XRN1: variants seen among roughly 807,000 people sequenced by gnomAD.
XRN1 encodes the protein 5'-3' exoribonuclease 1, also known as strand-exchange protein 1 homolog.
In XRN1, 67 loss-of-function variants were observed where a neutral mutation model predicts 222.3. The observed-to-expected ratio is 0.30, with a 90% CI of 0.25 to 0.37. XRN1 has a LOEUF of 0.37. XRN1 is among the 10% of genes least tolerant of loss of function. The probability of loss-of-function intolerance (pLI) is 1.00; values close to 1 mark genes in which losing one functional copy is unlikely to be tolerated. For synonymous variants in XRN1, 643 were observed against 652.4 expected (o/e 0.99, Z 0.22); for missense variants, 1,707 against 2,000.2 (o/e 0.85, Z 2.80).
intron 39 of XRN1, among the ~76,000 whole-genome samples, chr3:142,318,259 G>C (rs1021801684): frequency 7.6e-6 from 1 of 131,092 alleles, no homozygotes; most frequent in African/African-American, 2.7e-5. Context: ...CAAGATTTTG[G>C]ACATAGTCTA....
intron 9 of XRN1, 56 bp downstream of exon 9, chr3:142,421,420 G>A: frequency 7.2e-7 from 1 of 1,395,362 alleles, no homozygotes. Flanking sequence ...CATAATTGGT[G>A]ACTGATCATT....
intron 33 of XRN1, among the ~76,000 whole-genome samples, chr3:142,339,112 A>G (rs2065918891): frequency 6.6e-6 from 1 of 152,180 alleles, no homozygotes; most frequent in Admixed American, 6.5e-5. Flanking sequence ...ACAGCCAGGT[A>G]TGGCGGGCTG....
rs1311198830 is a variant in XRN1, at chr3:142,307,314, TA to T, written c.*4196del. 6.6e-6 allele frequency: 1 copy of T among 152,060 alleles called. No individual in the cohort carries two copies. The highest frequency in any genetic ancestry group is 2.4e-5 in the African/African-American group (1 of 41,398). 9.4% of individuals were successfully genotyped at this position (152,060 alleles called of 1,614,324 possible). ...AGAAACCTATTTGGCCTGGACAATT[TA>T]ATAGTATACCAACTGCTGAAACAAC... On this transcript the variant is annotated 3_prime_UTR_variant, in exon 41 of 41. Coordinates refer to ENST00000392981, the MANE Select transcript of XRN1 (RefSeq NM_001282857.2).
chr3:142,341,595 T>C (rs2065995895), intron 33 of XRN1, among the ~76,000 whole-genome samples: 1 of 152,082 alleles, frequency 6.6e-6, no homozygotes, highest in South Asian at 2.1e-4. Context: ...ACACTGAATG[T>C]CAATGAACTA....
At position 142,400,434 on chromosome 3, in the gene XRN1, TCTTA is replaced by T; in HGVS notation, c.2207+6_2207+9del. On this transcript the variant is annotated splice_donor_region_variant and intron_variant, in intron 19 of 40. Coordinates refer to ENST00000392981, the MANE Select transcript of XRN1 (RefSeq NM_001282857.2). ...TATGTTAGAAAAATTATAAATCAAA[TCTTA>T]CTTACTTAGTTTCTCCATCTGATAC... The T allele has an allele frequency of 1.6e-5, 26 of 1,581,062 alleles. No individual in the cohort carries two copies. The highest frequency in any genetic ancestry group is 3.4e-4 in the Middle Eastern group (2 of 5,964).
At chr3:142,358,786 T>A (rs942499586) in intron 30 of XRN1, among the ~76,000 whole-genome samples, 13 of 152,094 alleles carry the variant, frequency 8.5e-5, no homozygotes, top group African/African-American at 3.1e-4. Flanking sequence ...AAAACAATAA[T>A]AATAGCATCC....
intron 26 of XRN1, 134 bp downstream of exon 26, chr3:142,371,105 G>A (rs1051151425): frequency 2.4e-5 from 18 of 741,762 alleles, no homozygotes; most frequent in South Asian, 1.2e-4. Flanking sequence ...CACTGCATTC[G>A]GGCAAGAGAG....
At chr3:142,407,196 C>T (rs983907684) in intron 15 of XRN1, among the ~76,000 whole-genome samples, 4 of 152,212 alleles carry the variant, frequency 2.6e-5, no homozygotes, top group Admixed American at 6.5e-5. Flanking sequence ...AGTGATGTTT[C>T]ATCAGCATTA....
At chr3:142,385,469 CTTTTCCAA>C (rs1257216464) in intron 20 of XRN1, among the ~76,000 whole-genome samples, 1 of 152,066 alleles carries the variant, frequency 6.6e-6, no homozygotes, top group African/African-American at 2.4e-5. Flanking sequence ...TATGTGATGG[CTTTTCCAA>C]TCTAAAGTAA....
At chr3:142,414,057 G>C in intron 14 of XRN1, 78 bp downstream of exon 14, 1 of 1,351,856 alleles carries the variant, frequency 7.4e-7, no homozygotes, top group South Asian at 1.8e-5. Context: ...ATAAATTTGA[G>C]TATTATTGTT....
chr3:142,385,350 T>C (rs1278510063), intron 20 of XRN1, among the ~76,000 whole-genome samples: 1 of 152,160 alleles, frequency 6.6e-6, no homozygotes, highest in East Asian at 1.9e-4. Flanking sequence ...GCATGCTAAA[T>C]GAAAGAAGCC....
At chr3:142,342,171 G>C (rs1319491093) in intron 33 of XRN1, among the ~76,000 whole-genome samples, 1 of 152,026 alleles carries the variant, frequency 6.6e-6, no homozygotes, top group East Asian at 1.9e-4. Context: ...CAAACAATCT[G>C]AAAAAGATAT....
intron 20 of XRN1, among the ~76,000 whole-genome samples, chr3:142,385,500 C>T (rs1234135713): frequency 6.6e-6 from 1 of 152,108 alleles, no homozygotes; most frequent in Non-Finnish European, 1.5e-5. Flanking sequence ...CAGACAGCCT[C>T]CTAGTTTTTT....
At position 142,357,038 on chromosome 3, in the gene XRN1, A is replaced by G. The variant is rs2066484055; in HGVS notation, c.3546T>C (p.Asn1182=). ...LSHGSRSETG[N]QKLTAIVKPQ... is the part of the protein sequence containing the mutation. Reference sequence around the variant, plus strand: ...GTTTTACGATGGCTGTCAACTTCTGATTTCCAGTTTCAGAGCGACTCCCAT... The same window carrying G: ...GTTTTACGATGGCTGTCAACTTCTGGTTTCCAGTTTCAGAGCGACTCCCAT... The change falls in exon 31 of 41, where the codon AAT becomes AAC. Residue 1182 remains asparagine, a synonymous_variant. Coordinates refer to ENST00000392981, the MANE Select transcript of XRN1 (RefSeq NM_001282857.2). The G allele has an allele frequency of 8.7e-6, 14 of 1,613,946 alleles. No homozygotes were observed. The highest frequency in any genetic ancestry group is 6.7e-5 in the African/African-American group (5 of 75,032).
chr3:142,411,391 C>T (rs1454655687), intron 15 of XRN1, among the ~76,000 whole-genome samples: 1 of 151,964 alleles, frequency 6.6e-6, no homozygotes, highest in African/African-American at 2.4e-5. Context: ...TTAATTTGCT[C>T]TTCTTTTTCT....
intron 6 of XRN1, among the ~76,000 whole-genome samples, chr3:142,423,135 C>T (rs1007956487): frequency 3.3e-5 from 5 of 152,154 alleles, no homozygotes. Flanking sequence ...AATTGGTTTA[C>T]ATTATGTGTT....
chr3:142,381,478 T>C (rs1290902337), intron 22 of XRN1, among the ~76,000 whole-genome samples: 1 of 152,100 alleles, frequency 6.6e-6, no homozygotes, highest in African/African-American at 2.4e-5. Flanking sequence ...TTGCATTTAA[T>C]TGTCATATCT....
chr3:142,351,688 T>A (rs1282029766), intron 32 of XRN1, among the ~76,000 whole-genome samples: 1 of 152,060 alleles, frequency 6.6e-6, no homozygotes, highest in Non-Finnish European at 1.5e-5. Flanking sequence ...TTCTTTTCAT[T>A]TTTTGCCTTA....
At chr3:142,346,057 T>C (rs1353505641) in intron 33 of XRN1, among the ~76,000 whole-genome samples, 1 of 151,806 alleles carries the variant, frequency 6.6e-6, no homozygotes. Flanking sequence ...ACTGAAAACA[T>C]ATGTTCACAC....
Sources: allele counts gnomAD v4.1 joint callset (sites outside exome capture counted in the v4.1 genomes callset), GRCh38; gene constraint gnomAD v4.1.1; transcripts MANE v1.5; gene names NCBI Gene and HGNC (gene_info 2026-07-23, HGNC 2026-07-21).